PRKAR1A: variants seen among roughly 807,000 people sequenced by gnomAD.
PRKAR1A encodes protein kinase cAMP-dependent type I regulatory subunit alpha, also known as cAMP-dependent protein kinase type I-alpha regulatory subunit.
PRKAR1A carries 3 observed loss-of-function variants against 52.0 expected under a neutral mutation model. The ratio of observed to expected loss-of-function variants is 0.06; its 90% confidence interval spans 0.03 to 0.15. PRKAR1A has a LOEUF of 0.15. Ranked by LOEUF, PRKAR1A falls within the 10% of genes least tolerant of loss-of-function variation. The pLI is 1.00. For missense variants in PRKAR1A, 240 were observed against 477.4 expected (o/e 0.50, Z 4.63); for synonymous variants, 188 against 168.4 (o/e 1.12, Z -0.90).
the PRKAR1A span, among the ~76,000 whole-genome samples, chr17:68,474,701 C>T: frequency 6.6e-6 from 1 of 152,284 alleles, no homozygotes; most frequent in South Asian, 2.1e-4. Context: ...CGAGACCATC[C>T]TGGTAAACAC....
chr17:68,539,767 CAA>C, intron 11 of PRKAR1A: 1 of 921,742 alleles, frequency 1.1e-6, no homozygotes, highest in South Asian at 1.4e-5. Flanking sequence ...TCGAAGGAGA[CAA>C]GGCACGTGGT....
At chr17:68,437,981 G>A in the PRKAR1A span, among the ~76,000 whole-genome samples, 5 of 97,128 alleles carry the variant, frequency 5.1e-5, no homozygotes, top group Admixed American at 3.0e-4. Context: ...AAAGTGACTG[G>A]CGTCTATTAC....
chr17:68,486,201 G>GT, the PRKAR1A span, among the ~76,000 whole-genome samples: 39 of 148,948 alleles, frequency 2.6e-4, no homozygotes, highest in Middle Eastern at 3.5e-3. Flanking sequence ...AGCTCATGAG[G>GT]TTTTTTTTTT....
chr17:68,450,819 C>T, the PRKAR1A span: 69 of 1,614,130 alleles, frequency 4.3e-5, no homozygotes, highest in East Asian at 2.0e-4. Context: ...GTTCATCTGC[C>T]GTGGTTTTGT....
rs371834376 is a variant in PRKAR1A, at chr17:68,522,908, G to A, written c.330G>A (p.Ala110=). Residue 110 remains alanine, a synonymous_variant, in exon 3 of 11, where the codon GCG becomes GCA. Coordinates refer to ENST00000589228, the MANE Select transcript of PRKAR1A (RefSeq NM_002734.5). ...CTGAGGTCTACACGGAGGAAGATGC[G>A]GCATCCTATGTTAGAAAGGTAGTTT... ...ISAEVYTEED[A]ASYVRKVIPK... 91 of 1,613,636 alleles carry A rather than the reference G, an allele frequency of 5.6e-5. No individual in the cohort carries two copies. The highest frequency in any genetic ancestry group is 4.3e-4 in the African/African-American group (32 of 74,884).
chr17:68,478,474 A>C, the PRKAR1A span, among the ~76,000 whole-genome samples: 5 of 152,172 alleles, frequency 3.3e-5, no homozygotes, highest in Non-Finnish European at 7.3e-5. Context: ...ACAACAACAA[A>C]AAACAAACCA....
the PRKAR1A span, chr17:68,426,250 G>GGGGGGGGGGAA: frequency 1.2e-6 from 1 of 828,060 alleles, no homozygotes. Context: ...GGTGGGGAGC[G>GGGGGGGGGGAA]GGGGCTCAAA....
intron 10 of PRKAR1A, 78 bp downstream of exon 10, chr17:68,530,079 T>A (rs986911075): frequency 1.3e-6 from 2 of 1,544,818 alleles, no homozygotes; most frequent in African/African-American, 2.7e-5. Flanking sequence ...TCTTCCATAA[T>A]TTTGTCTTCT....
chr17:68,458,435 C>T, the PRKAR1A span, among the ~76,000 whole-genome samples: 1 of 152,042 alleles, frequency 6.6e-6, no homozygotes, highest in Non-Finnish European at 1.5e-5. Flanking sequence ...GTTTTCTAAC[C>T]AGGACAGAAA....
At chr17:68,535,183 G>A (rs1222300875), downstream of PRKAR1A, 2 of 435,586 alleles carry the variant, frequency 4.6e-6, no homozygotes, top group Admixed American at 4.9e-5. Flanking sequence ...GGAAGAACTC[G>A]AGTAAGAATG....
chr17:68,426,242 T>TGGCGG, the PRKAR1A span: 2 of 669,002 alleles, frequency 3.0e-6, no homozygotes, highest in Non-Finnish European at 2.2e-6. Flanking sequence ...ACCTGGCGGG[T>TGGCGG]GGGGAGCGGG....
the PRKAR1A span, chr17:68,424,458 G>T: frequency 1.9e-6 from 1 of 534,784 alleles, no homozygotes; most frequent in Non-Finnish European, 3.8e-6. Flanking sequence ...ACAATTGGAA[G>T]CTCAATGGAC....
At chr17:68,497,208 C>A in the PRKAR1A span, among the ~76,000 whole-genome samples, 2 of 152,130 alleles carry the variant, frequency 1.3e-5, no homozygotes, top group Non-Finnish European at 1.5e-5. Context: ...TTTAAAGTGT[C>A]CATAAGTCAA....
chr17:68,513,945 G>A (rs1263982735), intron 1 of PRKAR1A, among the ~76,000 whole-genome samples: 2 of 152,082 alleles, frequency 1.3e-5, no homozygotes, highest in African/African-American at 2.4e-5. Context: ...GATTGTTCTT[G>A]GTGGCCTTTA....
At chr17:68,468,114 G>A in the PRKAR1A span, among the ~76,000 whole-genome samples, 1 of 152,158 alleles carries the variant, frequency 6.6e-6, no homozygotes, top group Admixed American at 6.5e-5. Context: ...ATGTCACCCA[G>A]GCTGTGATGG....
chr17:68,423,791 C>G, the PRKAR1A span, among the ~76,000 whole-genome samples: 1 of 152,156 alleles, frequency 6.6e-6, no homozygotes, highest in Non-Finnish European at 1.5e-5. This position sits in a 1 kb window ranked among gnomAD's most constrained non-coding sequence, Gnocchi z 4.4. Flanking sequence ...TATACAGGTT[C>G]TTTGGCAAGG....
the PRKAR1A span, chr17:68,450,606 T>C: frequency 7.7e-7 from 1 of 1,304,804 alleles, no homozygotes; most frequent in Non-Finnish European, 1.1e-6. Context: ...GGGGCCTGAG[T>C]GTTAACATTC....
At chr17:68,465,649 T>TTTTTTTTTTTTTAG in the PRKAR1A span, among the ~76,000 whole-genome samples, 1 of 128,238 alleles carries the variant, frequency 7.8e-6, no homozygotes, top group African/African-American at 3.1e-5. Context: ...TTTTTTTTTT[T>TTTTTTTTTTTTTAG]GTAGAGACGG....
the PRKAR1A span, among the ~76,000 whole-genome samples, chr17:68,418,661 C>G: frequency 6.6e-6 from 1 of 152,220 alleles, no homozygotes; most frequent in African/African-American, 2.4e-5. Flanking sequence ...TGGCATCTGC[C>G]CTCATCATAT....
Sources: gnomAD v4.1 joint callset for allele counts (sites outside exome capture counted in the v4.1 genomes callset) on GRCh38, gnomAD v4.1.1 for gene constraint, Gnocchi (gnomAD v3.1) non-coding constraint, MANE v1.5 for transcripts, NCBI Gene and HGNC (gene_info 2026-07-23, HGNC 2026-07-21) for gene names.